Variants in TMEM71 observed in about 807,000 individuals in gnomAD.
TMEM71 encodes transmembrane protein 71.
In TMEM71, 44 loss-of-function variants were observed where a neutral mutation model predicts 38.0. The observed-to-expected ratio is 1.16, with a 90% CI of 0.91 to 1.49. The LOEUF is 1.49. Among genes scored for constraint, TMEM71 ranks in the 40% most tolerant of loss-of-function variants. The probability of loss-of-function intolerance (pLI) is 0.00; values close to 1 mark genes in which losing one functional copy is unlikely to be tolerated. For synonymous variants in TMEM71, 133 were observed against 122.5 expected, an observed-to-expected ratio of 1.09 and a Z score of -0.56; for missense variants, 367 against 348.6, an observed-to-expected ratio of 1.05 and a Z score of -0.42.
chr8:132,733,559 G>T (rs1212926118), intron 5 of TMEM71, among the ~76,000 whole-genome samples: 3 of 152,172 alleles, frequency 2.0e-5, no homozygotes, highest in East Asian at 1.9e-4. Context: ...AGGCTTCCTT[G>T]CACTGCCTTA....
intron 4 of TMEM71, 43 bp from the exon 5 acceptor site, chr8:132,747,157 C>A: frequency 6.8e-7 from 1 of 1,478,658 alleles, no homozygotes; most frequent in East Asian, 2.4e-5. Flanking sequence ...ATAATAGTTA[C>A]CTTTAGTTCA....
rs1563759067 is a variant in TMEM71, at chr8:132,758,929, T to C, written c.-36-14A>G. On this transcript the variant is annotated splice_polypyrimidine_tract_variant and intron_variant, in intron 1 of 9. Coordinates refer to ENST00000677595, the MANE Select transcript of TMEM71 (RefSeq NM_001382403.1). The stretch of plus-strand genomic sequence containing the variant: ...TTCACAGATTCTCTGCAAAAGATGT[T>C]AAAAAAAAGGTGGACTATATATTAA... 3 of 1,547,556 alleles carry C rather than the reference T, an allele frequency of 1.9e-6. No individual in the cohort carries two copies. The highest frequency in any genetic ancestry group is 1.7e-5 in the Admixed American group (1 of 58,134).
chr8:132,723,948 G>C (rs551230643), intron 6 of TMEM71, among the ~76,000 whole-genome samples: 1 of 152,250 alleles, frequency 6.6e-6, no homozygotes, highest in East Asian at 1.9e-4. Context: ...GGGCTGCCGG[G>C]GGTGACATCA....
At chr8:132,764,803 A>G (rs1008413467), upstream of TMEM71, among the ~76,000 whole-genome samples, 2 of 152,218 alleles carry the variant, frequency 1.3e-5, no homozygotes, top group Non-Finnish European at 2.9e-5. Context: ...GTTTCTGTCC[A>G]TGTTGGTTCC....
At chr8:132,741,417 C>T (rs956858617) in intron 5 of TMEM71, among the ~76,000 whole-genome samples, 3 of 152,034 alleles carry the variant, frequency 2.0e-5, no homozygotes, top group Non-Finnish European at 1.5e-5. Flanking sequence ...CACCTGGGCC[C>T]GGGGGACCAC....
rs549742272 is a variant in TMEM71 at position 132,748,298 on chromosome 8, G to C, written c.315-1184C>G. 1.6e-4 allele frequency among the ~76,000 whole-genome samples: 25 copies of C among 152,296 alleles called. No individual in the cohort carries two copies. The South Asian group carries it at 5.0e-3, about 30-fold the overall frequency. ...CTTTATCCTGATGGTTCTCAACCAG[G>C]TTGATTTTGGCTGCAGGGAACATCT... On this transcript the variant is annotated intron_variant, in intron 4 of 9. Coordinates refer to ENST00000677595, the MANE Select transcript of TMEM71 (RefSeq NM_001382403.1).
In TMEM71 at chr8:132,738,304, C is replaced by A. The variant is rs1827855829; in HGVS notation, c.487+8638G>T. Among the ~76,000 whole-genome samples, 3 of 152,234 alleles carry A rather than the reference C, an allele frequency of 2.0e-5. No individual in the cohort carries two copies. In the South Asian group the frequency reaches 6.2e-4, roughly 31 times the overall value. On this transcript the variant is annotated intron_variant, in intron 5 of 9. Coordinates refer to ENST00000677595, the MANE Select transcript of TMEM71 (RefSeq NM_001382403.1). ...TTTCCTTATCACTCTACCACACTAT[C>A]TTCCAGCCCTTGGTGACTTGCAGAA...
rs1563754124 is a variant in TMEM71, at chr8:132,746,973, C to T, written c.456G>A (p.Arg152=). ...PSEDNWLKGT[R]RLDTDHCNGN... is the part of the protein sequence containing the mutation. ...CATTGCAATGGTCTGTGTCCAACCTCCTGGTCCCCTTCAACCAGTTGTCTT... is the reference window on the plus strand; with the variant it reads ...CATTGCAATGGTCTGTGTCCAACCTTCTGGTCCCCTTCAACCAGTTGTCTT... The change falls in exon 5 of 10, where the codon AGG becomes AGA. Residue 152 remains arginine, a synonymous_variant. Coordinates refer to ENST00000677595, the MANE Select transcript of TMEM71 (RefSeq NM_001382403.1). The T allele has an allele frequency of 5.6e-6, 9 of 1,611,558 alleles. No homozygotes were observed. Among genetic ancestry groups the T allele is most frequent in the Admixed American group, 3.4e-5 (2 of 59,250 alleles).
At chr8:132,756,091 A>C (rs1828987473) in intron 3 of TMEM71, among the ~76,000 whole-genome samples, 1 of 152,142 alleles carries the variant, frequency 6.6e-6, no homozygotes. Flanking sequence ...TTTATGCTAT[A>C]GGCACATTTC....
At chr8:132,737,256 G>C (rs997880848) in intron 5 of TMEM71, among the ~76,000 whole-genome samples, 1 of 152,128 alleles carries the variant, frequency 6.6e-6, no homozygotes, top group African/African-American at 2.4e-5. Flanking sequence ...TAAGGAACGT[G>C]GATTATATCT....
chr8:132,770,521 T>C, the TMEM71 span, among the ~76,000 whole-genome samples: 1 of 152,198 alleles, frequency 6.6e-6, no homozygotes, highest in Admixed American at 6.5e-5. Context: ...GAAAGACTCC[T>C]AGTATTTGTT....
At chr8:132,722,332 T>A (rs1826901243) in intron 6 of TMEM71, among the ~76,000 whole-genome samples, 1 of 152,220 alleles carries the variant, frequency 6.6e-6, no homozygotes, top group African/African-American at 2.4e-5. Context: ...ATTACTTTCT[T>A]CAATCACTAT....
chr8:132,728,031 T>C (rs1394379600), intron 5 of TMEM71, 45 bp from the exon 6 acceptor site: 2 of 1,398,848 alleles, frequency 1.4e-6, no homozygotes, highest in African/African-American at 1.4e-5. Context: ...TGTGTGTGTG[T>C]GTGTGTGTGT....
In TMEM71 at chr8:132,714,416, A is replaced by T. The variant is rs570107598; in HGVS notation, c.753-201T>A. On this transcript the variant is annotated intron_variant, in intron 7 of 9. Transcript: ENST00000677595. The stretch of plus-strand genomic sequence containing the variant: ...CCCAGAAGTAGACTTATGCAGATAG[A>T]GTAAACTGATTTTAATTGAGGCGCA... Among the ~76,000 whole-genome samples, 18 of 152,356 alleles carry T rather than the reference A, an allele frequency of 1.2e-4. No homozygotes were observed. The South Asian group carries it at 3.7e-3, about 32-fold the overall frequency.
chr8:132,722,217 A>G (rs916816626), intron 6 of TMEM71, 102 bp from the exon 7 acceptor site: 2 of 916,842 alleles, frequency 2.2e-6, no homozygotes, highest in Admixed American at 2.5e-5. Context: ...ACCAAAAAAA[A>G]AAAAAAGTTT....
intron 3 of TMEM71, among the ~76,000 whole-genome samples, chr8:132,756,799 G>C (rs1829043519): frequency 6.6e-6 from 1 of 151,952 alleles, no homozygotes; most frequent in Non-Finnish European, 1.5e-5. Context: ...GTTTTACCCA[G>C]GCTGGACTCA....
the TMEM71 span, among the ~76,000 whole-genome samples, chr8:132,774,528 T>C: frequency 6.6e-6 from 1 of 152,274 alleles, no homozygotes; most frequent in Non-Finnish European, 1.5e-5. Context: ...TTTGCTATTT[T>C]AACTCCACAC....
intron 6 of TMEM71, among the ~76,000 whole-genome samples, chr8:132,723,840 A>G (rs960408483): frequency 6.6e-6 from 1 of 152,006 alleles, no homozygotes; most frequent in African/African-American, 2.4e-5. Flanking sequence ...AGGGGAACCC[A>G]CCCCCAACAT....
upstream of TMEM71, among the ~76,000 whole-genome samples, chr8:132,763,455 A>G (rs1237553826): frequency 6.6e-6 from 1 of 152,206 alleles, no homozygotes; most frequent in Non-Finnish European, 1.5e-5. Flanking sequence ...TTATAAATCA[A>G]TGTTTCTAAA....
Sources: gnomAD v4.1 joint callset for allele counts (sites outside exome capture counted in the v4.1 genomes callset) on GRCh38, gnomAD v4.1.1 for gene constraint, MANE v1.5 for transcripts, NCBI Gene and HGNC (gene_info 2026-07-23, HGNC 2026-07-21) for gene names.